SNX25: variants seen among roughly 807,000 people sequenced by gnomAD.
SNX25 encodes sorting nexin 25.
Under a neutral mutation model 113.7 loss-of-function variants are expected in SNX25, and 62 were observed. The observed-to-expected ratio is 0.55, with a 90% CI of 0.44 to 0.67. The LOEUF (loss-of-function observed/expected upper bound fraction) is 0.67, where lower values mean the gene tolerates loss of function less well. Among genes scored for constraint, SNX25 ranks in the 30% least tolerant of loss-of-function variants. The probability of loss-of-function intolerance (pLI) is 0.00; values close to 1 mark genes in which losing one functional copy is unlikely to be tolerated. For synonymous variants in SNX25, 421 were observed against 436.2 expected (o/e 0.97, Z 0.43); for missense variants, 1,014 against 1,161.0 (o/e 0.87, Z 1.84).
intron 2 of SNX25, among the ~76,000 whole-genome samples, chr4:185,256,663 T>C (rs1313295121): frequency 7.1e-6 from 1 of 141,260 alleles, no homozygotes; most frequent in East Asian, 2.3e-4. Flanking sequence ...TTTTGCTTGC[T>C]CACCCAGGCT....
intron 5 of SNX25, 114 bp from the exon 6 acceptor site, chr4:185,287,898 A>T (rs1323674307): frequency 2.4e-6 from 2 of 827,104 alleles, no homozygotes; most frequent in Admixed American, 5.6e-5. Context: ...AGCCTTGGGC[A>T]GGATTCACAG....
intron 1 of SNX25, among the ~76,000 whole-genome samples, chr4:185,239,352 G>A (rs574353450): frequency 1.3e-4 from 20 of 152,138 alleles, no homozygotes; most frequent in Admixed American, 2.6e-4. Flanking sequence ...GCGTGGTGGT[G>A]GGCACCTGTA....
rs747894091 is a variant in SNX25, at chr4:185,362,647, G to A, written c.2870G>A (p.Arg957His). 10 of 1,613,818 alleles carry A rather than the reference G, an allele frequency of 6.2e-6. No homozygotes were observed. The highest frequency in any genetic ancestry group is 1.7e-5 in the Admixed American group (1 of 59,966). ...AGCCTTGTTGGACAGCAAAATGCCC[G>A]CCACGGTATAATAAAAATATTCAAT... ...LQSLVGQQNA[R>H]HGIIKIFNAL... The change falls in exon 18 of 19, where the codon CGC becomes CAC. Residue 957 changes from arginine (R) to histidine (H), a missense_variant. Arg to His is a conservative substitution (Grantham distance 29, BLOSUM62 0). Transcript: ENST00000652585.
At position 185,210,983 on chromosome 4, in the gene SNX25, T is replaced by C. The variant is rs562489117; in HGVS notation, c.429+728T>C. ...GCCAAACCCACTGCCCCATCTTTCT[T>C]CCACATTCCTTCTCATAATCCTTTA... On this transcript the variant is annotated intron_variant, in intron 1 of 18. Transcript: ENST00000652585. The surrounding 1 kb of genome is among the most constrained non-coding windows in gnomAD (Gnocchi z 4.4). 6.6e-6 allele frequency among the ~76,000 whole-genome samples: 1 copy of C among 152,124 alleles called. No individual in the cohort carries two copies. Among genetic ancestry groups the C allele is most frequent in the Non-Finnish European group, 1.5e-5 (1 of 68,022 alleles).
intron 12 of SNX25, among the ~76,000 whole-genome samples, chr4:185,343,166 T>C (rs1222728245): frequency 6.6e-6 from 1 of 152,168 alleles, no homozygotes; most frequent in East Asian, 1.9e-4. Flanking sequence ...GCTAGGATTA[T>C]AGATGTGAGC....
chr4:185,219,432 G>T (rs1969458), intron 1 of SNX25, among the ~76,000 whole-genome samples: 98,049 of 150,912 alleles, frequency 0.65, 31,870 homozygotes, highest in East Asian at 0.73. Flanking sequence ...GGTGGTGGGC[G>T]CCTGTAGTCC....
At chr4:185,364,472 C>T (rs948966257), downstream of SNX25, 1 of 152,110 alleles carries the variant, frequency 6.6e-6, no homozygotes, top group African/African-American at 2.4e-5. Flanking sequence ...AAACAAGTAA[C>T]AGGTAAAAAT....
chr4:185,377,942 G>A, the SNX25 span: 17 of 669,220 alleles, frequency 2.5e-5, no homozygotes, highest in Non-Finnish European at 3.4e-5. Context: ...AGATTCTTGC[G>A]GGAAAACTCA....
intron 7 of SNX25, among the ~76,000 whole-genome samples, chr4:185,318,047 AAAAG>A (rs1170707311): frequency 6.6e-6 from 1 of 150,578 alleles, no homozygotes; most frequent in Non-Finnish European, 1.5e-5. Context: ...GAAAAAATAA[AAAAG>A]AAAGAAAATG....
intron 1 of SNX25, among the ~76,000 whole-genome samples, chr4:185,215,484 A>G (rs1427877547): frequency 6.6e-6 from 1 of 152,182 alleles, no homozygotes; most frequent in East Asian, 1.9e-4. Context: ...ACTAATACAA[A>G]TGTTCTTTGA....
At chr4:185,287,478 C>A (rs530830062) in intron 5 of SNX25, among the ~76,000 whole-genome samples, 2 of 152,180 alleles carry the variant, frequency 1.3e-5, no homozygotes, top group Non-Finnish European at 2.9e-5. Flanking sequence ...CTATTTAAGA[C>A]GGCACCATCC....
At position 185,291,073 on chromosome 4, in the gene SNX25, A is replaced by G. The variant is rs79045374; in HGVS notation, c.1162+2991A>G. Among the ~76,000 whole-genome samples the G allele has an allele frequency of 6.2e-3, 943 of 152,294 alleles. 16 individuals are homozygous for G. Among genetic ancestry groups the G allele is most frequent in the South Asian group, 0.049 (238 of 4,820 alleles). ...CTGAAGAGAAGTGGCTTCAAGAAGT[A>G]ATTATTTAGCTCATGGGGAAGTGTG... is the stretch of plus-strand genomic sequence containing the variant. On this transcript the variant is annotated intron_variant, in intron 6 of 18. Transcript: ENST00000652585.
At chr4:185,321,077 G>A (rs1417736878) in intron 8 of SNX25, among the ~76,000 whole-genome samples, 2 of 151,970 alleles carry the variant, frequency 1.3e-5, no homozygotes, top group African/African-American at 2.4e-5. Context: ...GGGAAAAAAG[G>A]TTTTATAAAT....
chr4:185,282,201 G>A (rs1481152103), intron 5 of SNX25, among the ~76,000 whole-genome samples: 12 of 152,166 alleles, frequency 7.9e-5, no homozygotes, highest in African/African-American at 2.2e-4. Context: ...GTGCATGTCC[G>A]GACAGGCTGG....
At chr4:185,358,487 C>A (rs1175315574) in intron 16 of SNX25, among the ~76,000 whole-genome samples, 2 of 152,168 alleles carry the variant, frequency 1.3e-5, no homozygotes, top group African/African-American at 4.8e-5. Context: ...TTTTTCATAA[C>A]TGCAAAGTCA....
At chr4:185,228,375 T>C (rs1741327919) in intron 1 of SNX25, among the ~76,000 whole-genome samples, 1 of 151,556 alleles carries the variant, frequency 6.6e-6, no homozygotes. Context: ...CATTCGACTT[T>C]AGTAGGAGAT....
At chr4:185,298,031 T>C (rs1300750689) in intron 6 of SNX25, among the ~76,000 whole-genome samples, 2 of 152,086 alleles carry the variant, frequency 1.3e-5, no homozygotes, top group African/African-American at 2.4e-5. Context: ...CTTAACTCTG[T>C]TCCCTGTCTG....
intron 6 of SNX25, among the ~76,000 whole-genome samples, chr4:185,305,228 G>A (rs1304439549): frequency 7.9e-5 from 12 of 152,112 alleles, no homozygotes; most frequent in Non-Finnish European, 2.9e-5. Context: ...CAGTACACAG[G>A]ACAGCCCCCC....
chr4:185,324,779 G>C (rs1362828226), intron 9 of SNX25, among the ~76,000 whole-genome samples: 1 of 152,110 alleles, frequency 6.6e-6, no homozygotes, highest in African/African-American at 2.4e-5. Flanking sequence ...CGATGCTCCT[G>C]CTCTGTCAAT....
Sources: gnomAD v4.1 joint callset for allele counts (sites outside exome capture counted in the v4.1 genomes callset) on GRCh38, gnomAD v4.1.1 for gene constraint, Gnocchi (gnomAD v3.1) non-coding constraint, MANE v1.5 for transcripts, NCBI Gene and HGNC (gene_info 2026-07-23, HGNC 2026-07-21) for gene names.